Variants in FSD1L observed in about 807,000 individuals in gnomAD.
FSD1L encodes fibronectin type III and SPRY domain containing 1 like, also known as FSD1-like protein.
A neutral mutation model predicts 71.6 loss-of-function variants in FSD1L; 45 were observed. That is an observed-to-expected ratio of 0.63 (90% CI 0.49 to 0.81). FSD1L has a LOEUF of 0.81. FSD1L is among the 30% of genes least tolerant of loss of function. The probability of loss-of-function intolerance (pLI) is 0.00; values close to 1 mark genes in which losing one functional copy is unlikely to be tolerated. For missense variants in FSD1L, 561 were observed against 618.1 expected (o/e 0.91, Z 0.98); for synonymous variants, 197 against 207.2 (o/e 0.95, Z 0.42).
chr9:105,522,242 A>G, intron 10 of FSD1L: 7 of 1,613,268 alleles, frequency 4.3e-6, no homozygotes, highest in Non-Finnish European at 5.9e-6. Flanking sequence ...CTGAGTGGTC[A>G]CTGACTATGG....
intron 5 of FSD1L, among the ~76,000 whole-genome samples, 184 bp from the exon 6 acceptor site, chr9:105,479,170 T>G (rs1046950632): frequency 7.2e-5 from 11 of 152,326 alleles, no homozygotes; most frequent in Admixed American, 2.6e-4. Context: ...CTACTATAAT[T>G]CTAACATCAC....
At chr9:105,530,545 G>A (rs1293596640) in intron 10 of FSD1L, 1 of 687,292 alleles carries the variant, frequency 1.5e-6, no homozygotes. Flanking sequence ...GTTATCAAAA[G>A]AGCTCTTAAT....
rs201918122 is a variant in FSD1L at position 105,520,585 on chromosome 9, A to AT, written c.1025+7652dup. ...ATGGCAGTTTCATAATATTGGATTG[A>AT]TTTAAAGAAGCTACTTCACACAGGA... On this transcript the variant is annotated intron_variant, in intron 10 of 13. Transcript: ENST00000481272. The AT allele has an allele frequency of 1.8e-3, 2,580 of 1,455,374 alleles. 43 individuals are homozygous for AT. The African/African-American group carries it at 0.033, about 18-fold the overall frequency. 90.2% of individuals were successfully genotyped at this position (1,455,374 alleles called of 1,614,324 possible). A position where few individuals can be genotyped will look rare whatever the true frequency, so the allele number is the denominator to read the frequency against.
At position 105,526,049 on chromosome 9, in the gene FSD1L, A is replaced by G; in HGVS notation, c.1026-8444A>G. 4.0e-6 allele frequency: 6 copies of G among 1,503,268 alleles called. No homozygotes were observed. In the Admixed American group the frequency reaches 1.0e-4, roughly 25 times the overall value. 93.1% of individuals were successfully genotyped at this position (1,503,268 alleles called of 1,614,324 possible). ...TTTGGTGATGTCCTTATTGTAATAT[A>G]TCCAATGAAAAATCACATGTTCAGT... is the stretch of plus-strand genomic sequence containing the variant. On this transcript the variant is annotated intron_variant, in intron 10 of 13. Transcript: ENST00000481272.
intron 1 of FSD1L, among the ~76,000 whole-genome samples, chr9:105,461,187 C>T (rs1237106155): frequency 1.3e-5 from 2 of 151,854 alleles, no homozygotes; most frequent in South Asian, 2.1e-4. Context: ...GCCCTATTTC[C>T]ACTCTTAGAA....
chr9:105,527,970 C>T (rs1835630595), intron 10 of FSD1L, among the ~76,000 whole-genome samples: 1 of 152,122 alleles, frequency 6.6e-6, no homozygotes. Context: ...AATCAATATG[C>T]AAAAATCACA....
intron 13 of FSD1L, among the ~76,000 whole-genome samples, chr9:105,542,388 A>T (rs1312872632): frequency 6.6e-6 from 1 of 152,128 alleles, no homozygotes; most frequent in African/African-American, 2.4e-5. Context: ...CATTCATATA[A>T]TTTATTTCAA....
intron 1 of FSD1L, among the ~76,000 whole-genome samples, chr9:105,458,756 C>T (rs1012189700): frequency 6.6e-6 from 1 of 152,188 alleles, no homozygotes; most frequent in Non-Finnish European, 1.5e-5. Context: ...GCCTGAAGGT[C>T]AGGTTTCACC....
intron 10 of FSD1L, among the ~76,000 whole-genome samples, chr9:105,528,845 A>G (rs1300103512): frequency 2.0e-5 from 3 of 152,230 alleles, no homozygotes; most frequent in African/African-American, 7.2e-5. Context: ...TGAACAGGCA[A>G]CCTACAGAAT....
Position 105,535,175 on chromosome 9 carries a change from A to T in FSD1L, c.1235A>T (p.Gln412Leu). The part of the protein sequence containing the change: ...VAYKTLGKFD[Q>L]LGKTNTSWCI... ...TACAAAACGTTGGGGAAATTTGACCAATTGGGAAAGACAAACACTAGTTGG... is the reference window on the plus strand; with the variant it reads ...TACAAAACGTTGGGGAAATTTGACCTATTGGGAAAGACAAACACTAGTTGG... Residue 412 changes from glutamine to leucine, a missense_variant, in exon 12 of 14, where the codon CAA (glutamine) becomes CTA (leucine). Gln to Leu is a moderately radical substitution (Grantham distance 113). Coordinates refer to ENST00000481272, the MANE Select transcript of FSD1L (RefSeq NM_001145313.3). 6.4e-7 allele frequency: 1 copy of T among 1,552,088 alleles called. No homozygotes were observed. The highest frequency in any genetic ancestry group is 8.7e-7 in the Non-Finnish European group (1 of 1,147,060).
At chr9:105,492,843 G>C (rs560753371) in intron 7 of FSD1L, among the ~76,000 whole-genome samples, 56 of 152,330 alleles carry the variant, frequency 3.7e-4, no homozygotes, top group African/African-American at 1.2e-3. Flanking sequence ...ATTCTAGTTT[G>C]ATTGCACTGT....
intron 7 of FSD1L, 70 bp from the exon 8 acceptor site, chr9:105,506,329 A>T (rs1346185550): frequency 8.9e-7 from 1 of 1,125,926 alleles, no homozygotes; most frequent in Non-Finnish European, 1.3e-6. Flanking sequence ...TATAAATGTG[A>T]TATCAATATT....
intron 10 of FSD1L, chr9:105,520,654 T>C (rs1835088518): frequency 1.2e-6 from 2 of 1,612,478 alleles, no homozygotes; most frequent in South Asian, 2.2e-5. Flanking sequence ...CTTTTCTTAC[T>C]ATGGTTGCAA....
chr9:105,465,010 G>C (rs1488117834), intron 3 of FSD1L, among the ~76,000 whole-genome samples: 8 of 152,052 alleles, frequency 5.3e-5, no homozygotes, highest in Non-Finnish European at 1.0e-4. Flanking sequence ...TTGGTAAGGG[G>C]TCTACTTGTA....
In FSD1L at chr9:105,549,599, A is replaced by G. The variant is rs894840315; in HGVS notation, c.*3116A>G. ...CTAGACTTTGCCTATTTACTCTGTT[A>G]TGCAAACAGTAATTTTTCCCTATGT... is the stretch of plus-strand genomic sequence containing the variant. On this transcript the variant is annotated 3_prime_UTR_variant, in exon 14 of 14. Transcript: ENST00000481272. The G allele has an allele frequency of 6.6e-6, 1 of 152,024 alleles. No homozygotes were observed. The highest frequency in any genetic ancestry group is 1.5e-5 in the Non-Finnish European group (1 of 67,920). The allele number at this position is 152,024 out of a possible 1,614,324, so 9.4% of individuals were successfully genotyped here.
rs758857286 is a variant in FSD1L, at chr9:105,552,185, T to C, written c.*5702T>C. The C allele has an allele frequency of 7.6e-5, 10 of 131,526 alleles. No individual in the cohort carries two copies. The highest frequency in any genetic ancestry group is 9.9e-5 in the Non-Finnish European group (6 of 60,416). 8.1% of individuals were successfully genotyped at this position (131,526 alleles called of 1,614,324 possible). On this transcript the variant is annotated 3_prime_UTR_variant, in exon 14 of 14. Transcript: ENST00000481272. Reference sequence around the variant, plus strand: ...TCCTCAGGTTTGGCCTTTTAAGTTATGGCTGAAGACCTTTAATGATACTTA... The same window carrying C: ...TCCTCAGGTTTGGCCTTTTAAGTTACGGCTGAAGACCTTTAATGATACTTA...
Position 105,539,334 on chromosome 9 carries a change from G to C in FSD1L, c.1450G>C (p.Val484Leu). The change falls in exon 13 of 14, where the codon GTA becomes CTA. Residue 484 changes from valine to leucine, a missense_variant. Physicochemically the swap from Val to Leu is conservative, Grantham distance 32 (BLOSUM62 1). Transcript: ENST00000481272. ...CTTTAAGACAAAATTTACTCAGCCA[G>C]TACTACCTGGTTTCATGGTTAGTAT... ...YSFKTKFTQP[V>L]LPGFMVWCGG... is the part of the protein sequence containing the mutation. The C allele has an allele frequency of 6.8e-7, 1 of 1,462,140 alleles. No individual in the cohort carries two copies. Among genetic ancestry groups the C allele is most frequent in the Non-Finnish European group, 9.2e-7 (1 of 1,081,386 alleles). The allele number at this position is 1,462,140 out of a possible 1,614,324, so 90.6% of individuals were successfully genotyped here. A position where few individuals can be genotyped will look rare whatever the true frequency, so the allele number is the denominator to read the frequency against.
At chr9:105,543,370 A>T (rs1836752555) in intron 13 of FSD1L, among the ~76,000 whole-genome samples, 2 of 152,124 alleles carry the variant, frequency 1.3e-5, no homozygotes, top group Admixed American at 1.3e-4. Flanking sequence ...CCCAAATCTT[A>T]TGTCTCACTT....
intron 12 of FSD1L, among the ~76,000 whole-genome samples, chr9:105,538,786 A>G (rs1012355832): frequency 6.6e-6 from 1 of 152,200 alleles, no homozygotes; most frequent in South Asian, 2.1e-4. Context: ...AAAAATTAAC[A>G]AAATTGAAGC....
Sources: gnomAD v4.1 joint callset for allele counts (sites outside exome capture counted in the v4.1 genomes callset) on GRCh38, gnomAD v4.1.1 for gene constraint, MANE v1.5 for transcripts, NCBI Gene and HGNC (gene_info 2026-07-23, HGNC 2026-07-21) for gene names.